MCUB: variants seen among roughly 807,000 people sequenced by gnomAD.
MCUB encodes the protein mitochondrial calcium uniporter dominant negative subunit beta.
In MCUB, 46 loss-of-function variants were observed where a neutral mutation model predicts 41.4. The observed-to-expected ratio is 1.11, with a 90% CI of 0.88 to 1.42. MCUB has a LOEUF of 1.42. Among genes scored for constraint, MCUB ranks in the 40% most tolerant of loss-of-function variants. The pLI, the probability that MCUB is intolerant of heterozygous loss-of-function variation, is 0.00. For synonymous variants in MCUB, 148 were observed against 148.2 expected (o/e 1.00, Z 0.01); for missense variants, 403 against 404.9 (o/e 1.00, Z 0.04).
At chr4:109,573,120 T>C (rs185263906) in intron 1 of MCUB, among the ~76,000 whole-genome samples, 1 of 152,342 alleles carries the variant, frequency 6.6e-6, no homozygotes, top group Admixed American at 6.5e-5. Context: ...ACCAGACTAA[T>C]CTGCACTTAG....
At chr4:109,658,129 G>T (rs575643659) in intron 1 of MCUB, among the ~76,000 whole-genome samples, 1 of 152,094 alleles carries the variant, frequency 6.6e-6, no homozygotes, top group Non-Finnish European at 1.5e-5. Context: ...TGTCCCACCC[G>T]TACATAATTT....
chr4:109,630,019 G>A (rs1008790032), intron 1 of MCUB, among the ~76,000 whole-genome samples: 2 of 152,114 alleles, frequency 1.3e-5, no homozygotes, highest in Non-Finnish European at 2.9e-5. Context: ...GCAGCTATCG[G>A]TCAACACATT....
intron 1 of MCUB, among the ~76,000 whole-genome samples, chr4:109,620,637 G>A (rs1312108146): frequency 1.3e-5 from 2 of 151,622 alleles, no homozygotes; most frequent in Admixed American, 1.3e-4. Context: ...GTGCATTAAT[G>A]ATCCTATGGC....
chr4:109,577,789 T>G lies in MCUB; in HGVS notation c.99+17353T>G, dbSNP rs1373226163. On this transcript the variant is annotated intron_variant, in intron 1 of 7. Coordinates refer to ENST00000394650, the MANE Select transcript of MCUB (RefSeq NM_017918.5). ...CCTCGCCCGGCTAATTTTTTGTATT[T>G]TTAGTAGAGACGGGGTTTCACCATG... Among the ~76,000 whole-genome samples the G allele has an allele frequency of 6.2e-5, 5 of 80,716 alleles. 2 individuals carry two copies. The Middle Eastern group carries it at 0.016, about 252-fold the overall frequency. The allele number at this position is 80,716 out of a possible 152,430, so 53.0% of individuals were successfully genotyped here. A position where few individuals can be genotyped will look rare whatever the true frequency, so the allele number is the denominator to read the frequency against.
intron 1 of MCUB, among the ~76,000 whole-genome samples, chr4:109,600,386 C>A (rs1408094029): frequency 1.3e-5 from 2 of 152,214 alleles, no homozygotes; most frequent in Non-Finnish European, 2.9e-5. Flanking sequence ...GATTTTCCTT[C>A]TCTTACTAGT....
At position 109,687,509 on chromosome 4, in the gene MCUB, T is replaced by TG; in HGVS notation, c.934-5dup. 6.2e-7 allele frequency: 1 copy of TG among 1,605,088 alleles called. No homozygotes were observed. The highest frequency in any genetic ancestry group is 8.5e-7 in the Non-Finnish European group (1 of 1,172,852). On this transcript the variant is annotated splice_polypyrimidine_tract_variant and splice_region_variant and intron_variant, in intron 7 of 7. Transcript: ENST00000394650. ...GATCACATGCTTTTTCTTTTTCCCA[T>TG]GACAGGCTAAAGAATCCCTGAAACA... is the stretch of plus-strand genomic sequence containing the variant.
chr4:109,678,576 C>G (rs1290325398), intron 4 of MCUB, among the ~76,000 whole-genome samples: 1 of 145,222 alleles, frequency 6.9e-6, no homozygotes, highest in Non-Finnish European at 1.5e-5. Flanking sequence ...AGGAGCTCCT[C>G]ACCTCCCAGA....
chr4:109,629,743 G>A (rs1201347654), intron 1 of MCUB, among the ~76,000 whole-genome samples: 1 of 152,204 alleles, frequency 6.6e-6, no homozygotes, highest in East Asian at 1.9e-4. Context: ...TGGCACTTCT[G>A]TCCACTCTCT....
intron 1 of MCUB, among the ~76,000 whole-genome samples, chr4:109,582,247 A>G (rs1402667054): frequency 6.6e-6 from 1 of 151,764 alleles, no homozygotes; most frequent in African/African-American, 2.4e-5. Context: ...TGAAGCTGGA[A>G]ACCATCATTC....
chr4:109,649,310 TG>T (rs973513203), intron 1 of MCUB, among the ~76,000 whole-genome samples: 3 of 152,230 alleles, frequency 2.0e-5, no homozygotes, highest in African/African-American at 7.2e-5. Flanking sequence ...TTTGGCTAAA[TG>T]TTTTTTTATA....
chr4:109,596,801 A>G (rs202185130), intron 1 of MCUB, among the ~76,000 whole-genome samples: 20 of 149,740 alleles, frequency 1.3e-4, no homozygotes, highest in African/African-American at 4.4e-4. Flanking sequence ...GCAGGGTCAT[A>G]GGACAATAGT....
At chr4:109,679,885 T>G (rs950793145) in intron 4 of MCUB, among the ~76,000 whole-genome samples, 2 of 152,164 alleles carry the variant, frequency 1.3e-5, no homozygotes, top group Non-Finnish European at 2.9e-5. Context: ...CACTGCAACC[T>G]CTGCCTTCTG....
chr4:109,598,490 G>T (rs1727640637), intron 1 of MCUB, among the ~76,000 whole-genome samples: 1 of 152,080 alleles, frequency 6.6e-6, no homozygotes, highest in Non-Finnish European at 1.5e-5. Flanking sequence ...CAGGCACTCG[G>T]CAGGCTGAGG....
At chr4:109,627,497 C>T (rs1317336364) in intron 1 of MCUB, among the ~76,000 whole-genome samples, 1 of 152,200 alleles carries the variant, frequency 6.6e-6, no homozygotes, top group Non-Finnish European at 1.5e-5. Context: ...GCAACTGTCA[C>T]ATTATCTTGT....
intron 1 of MCUB, among the ~76,000 whole-genome samples, chr4:109,600,437 A>G (rs1727704522): frequency 6.6e-6 from 1 of 152,232 alleles, no homozygotes. Context: ...TTCAGATGCC[A>G]TGAGTATGCT....
chr4:109,603,241 G>A (rs533535698), intron 1 of MCUB, among the ~76,000 whole-genome samples: 32 of 152,290 alleles, frequency 2.1e-4, no homozygotes, highest in African/African-American at 4.8e-4. Context: ...GATTGCAGGC[G>A]CGCGCCGCCA....
intron 4 of MCUB, 66 bp from the exon 5 acceptor site, chr4:109,682,516 G>A (rs915963259): frequency 7.4e-6 from 10 of 1,357,930 alleles, no homozygotes; most frequent in Non-Finnish European, 1.0e-5. Context: ...ATTGGGGACC[G>A]AAAGATTTAC....
intron 1 of MCUB, among the ~76,000 whole-genome samples, chr4:109,569,755 G>A (rs753034928): frequency 4.0e-5 from 6 of 151,766 alleles, no homozygotes; most frequent in Non-Finnish European, 8.8e-5. Context: ...GGCCTGCCTC[G>A]GCCTCCCAAA....
At chr4:109,657,183 C>G (rs2126143868) in intron 1 of MCUB, among the ~76,000 whole-genome samples, 1 of 142,018 alleles carries the variant, frequency 7.0e-6, no homozygotes, top group African/African-American at 2.7e-5. Context: ...TGCATCACTG[C>G]ACTCCAGCCT....
Sources: allele counts gnomAD v4.1 joint callset (sites outside exome capture counted in the v4.1 genomes callset), GRCh38; gene constraint gnomAD v4.1.1; transcripts MANE v1.5; gene names NCBI Gene and HGNC (gene_info 2026-07-23, HGNC 2026-07-21).